The following SPAG16 variants were observed in gnomAD, a reference collection of about 807,000 sequenced individuals.
The protein encoded by SPAG16 is sperm-associated antigen 16 protein.
In SPAG16, 86 loss-of-function variants were observed where a neutral mutation model predicts 80.4. That is an observed-to-expected ratio of 1.07 (90% CI 0.90 to 1.28). The LOEUF is 1.28. SPAG16 is among the 50% of genes most tolerant of loss of function. The pLI, the probability that SPAG16 is intolerant of heterozygous loss-of-function variation, is 0.00. For missense variants in SPAG16, 870 were observed against 765.3 expected (o/e 1.14, Z -1.61); for synonymous variants, 294 against 265.9 (o/e 1.11, Z -1.03).
chr2:214,062,134 C>T (rs16851351), intron 13 of SPAG16, among the ~76,000 whole-genome samples: 65,458 of 151,692 alleles, frequency 0.43, 14,708 homozygotes, highest in African/African-American at 0.48. Flanking sequence ...AAACCAACCT[C>T]CTGGGCCAGG....
chr2:214,144,893 A>G (rs1361547538), intron 14 of SPAG16, among the ~76,000 whole-genome samples: 1 of 152,082 alleles, frequency 6.6e-6, no homozygotes, highest in Non-Finnish European at 1.5e-5. Context: ...CTTCCAAAAT[A>G]GGTTAATATC....
chr2:214,132,294 C>G (rs188277383), intron 14 of SPAG16, among the ~76,000 whole-genome samples: 12 of 152,246 alleles, frequency 7.9e-5, no homozygotes, highest in Admixed American at 7.9e-4. Flanking sequence ...TGATCTGGAA[C>G]AGTACTGTCC....
intron 9 of SPAG16, among the ~76,000 whole-genome samples, chr2:213,441,994 T>C (rs1310154046): frequency 1.3e-5 from 2 of 152,076 alleles, no homozygotes; most frequent in Non-Finnish European, 2.9e-5. Context: ...TAAAAATATT[T>C]TTAAAAAGTT....
At chr2:213,718,035 G>A (rs1459174131) in intron 10 of SPAG16, among the ~76,000 whole-genome samples, 6 of 143,932 alleles carry the variant, frequency 4.2e-5, no homozygotes, top group Admixed American at 1.5e-4. Context: ...CACAGCAAAA[G>A]AAACTATCAC....
At chr2:213,597,636 T>C (rs2060927381) in intron 10 of SPAG16, among the ~76,000 whole-genome samples, 1 of 152,168 alleles carries the variant, frequency 6.6e-6, no homozygotes, top group African/African-American at 2.4e-5. Context: ...GCCAATGAAA[T>C]ATAGTAGCTA....
chr2:214,406,038 C>T (rs982855121), intron 15 of SPAG16, among the ~76,000 whole-genome samples: 1 of 152,160 alleles, frequency 6.6e-6, no homozygotes, highest in African/African-American at 2.4e-5. Context: ...TGTGCTCCTA[C>T]TTGTAACACA....
chr2:214,219,102 A>G (rs2058501152), intron 15 of SPAG16, among the ~76,000 whole-genome samples: 1 of 152,182 alleles, frequency 6.6e-6, no homozygotes, highest in Non-Finnish European at 1.5e-5. Context: ...CAAATATTTA[A>G]ATTTAAACTT....
Position 214,331,211 on chromosome 2 carries a change from G to A in SPAG16, c.1721-78929G>A, listed in dbSNP as rs558415083. On this transcript the variant is annotated intron_variant, in intron 15 of 15. Transcript: ENST00000331683. The stretch of plus-strand genomic sequence containing the variant: ...AAAATTGGGCAGAGGGAGAACCATG[G>A]AATGGCAAAGTGGATCACCTGGGTC... Among the ~76,000 whole-genome samples, 3 of 152,262 alleles carry A rather than the reference G, an allele frequency of 2.0e-5. No individual in the cohort carries two copies. In the East Asian group the frequency reaches 5.8e-4, roughly 29 times the overall value.
chr2:214,144,020 T>G (rs952235331), intron 14 of SPAG16, among the ~76,000 whole-genome samples: 5 of 151,958 alleles, frequency 3.3e-5, no homozygotes, highest in African/African-American at 1.2e-4. Context: ...TAGCTGGGGG[T>G]GTTGACAAAC....
At chr2:214,244,993 T>C (rs1423989845) in intron 15 of SPAG16, among the ~76,000 whole-genome samples, 1 of 152,162 alleles carries the variant, frequency 6.6e-6, no homozygotes, top group African/African-American at 2.4e-5. Flanking sequence ...CCTTTTACTA[T>C]GCCAGGACAT....
chr2:213,399,447 A>G (rs2068207692), intron 9 of SPAG16, among the ~76,000 whole-genome samples: 1 of 152,058 alleles, frequency 6.6e-6, no homozygotes, highest in African/African-American at 2.4e-5. Flanking sequence ...CTCCATTAAT[A>G]TTTTAATGTG....
At position 213,774,840 on chromosome 2, in the gene SPAG16, A is replaced by C. The variant is rs145503293; in HGVS notation, c.1071-87645A>C. Among the ~76,000 whole-genome samples, 1,188 of 152,302 alleles carry C rather than the reference A, an allele frequency of 7.8e-3. 11 individuals carry two copies. The highest frequency in any genetic ancestry group is 0.027 in the Middle Eastern group (8 of 294). ...TTTTGTTGAAGCTTTAGTTAGATTC[A>C]CTTCTCAGGCTTCAAATGGTCTAAA... On this transcript the variant is annotated intron_variant, in intron 10 of 15. Transcript: ENST00000331683.
intron 9 of SPAG16, among the ~76,000 whole-genome samples, chr2:213,470,949 G>A (rs1005556282): frequency 6.6e-6 from 1 of 152,152 alleles, no homozygotes; most frequent in African/African-American, 2.4e-5. Context: ...TGATCATCAA[G>A]CCAAACCATT....
chr2:213,415,496 A>C (rs957212127), intron 9 of SPAG16, among the ~76,000 whole-genome samples: 2 of 152,220 alleles, frequency 1.3e-5, no homozygotes, highest in Admixed American at 6.5e-5. Flanking sequence ...GCAGCAATCT[A>C]TCTGGGTGAG....
At chr2:213,866,921 TC>T (rs1388221769) in intron 11 of SPAG16, among the ~76,000 whole-genome samples, 1 of 152,194 alleles carries the variant, frequency 6.6e-6, no homozygotes, top group Non-Finnish European at 1.5e-5. Flanking sequence ...AATGTGGAAA[TC>T]CTTTAAGTTT....
intron 12 of SPAG16, among the ~76,000 whole-genome samples, chr2:213,969,425 C>A (rs1291880999): frequency 2.0e-5 from 3 of 152,060 alleles, no homozygotes; most frequent in Admixed American, 6.6e-5. Flanking sequence ...AAACGTAGTC[C>A]CAAATATCAA....
At chr2:214,086,953 C>T (rs1460040611) in intron 13 of SPAG16, among the ~76,000 whole-genome samples, 1 of 152,182 alleles carries the variant, frequency 6.6e-6, no homozygotes, top group African/African-American at 2.4e-5. Context: ...TACTGCTCAA[C>T]TCATTGATGT....
At position 213,375,131 on chromosome 2, in the gene SPAG16, G is replaced by C. The variant is rs1265097242; in HGVS notation, c.942+12G>C. 18 of 1,559,468 alleles carry C rather than the reference G, an allele frequency of 1.2e-5. No homozygotes were observed. Among genetic ancestry groups the C allele is most frequent in the Non-Finnish European group, 1.6e-5 (18 of 1,144,788 alleles). The stretch of plus-strand genomic sequence containing the variant: ...AAGGCAATACAAAGGTATGATATTT[G>C]TTTTTGTTTGCATTAAGTCATACTT... On this transcript the variant is annotated intron_variant, in intron 9 of 15. Transcript: ENST00000331683.
intron 15 of SPAG16, among the ~76,000 whole-genome samples, chr2:214,391,885 T>C (rs1272262262): frequency 6.6e-6 from 1 of 152,148 alleles, no homozygotes; most frequent in Admixed American, 6.5e-5. Context: ...ACCACAATTA[T>C]CAAGAGAAAG....
Sources: allele counts gnomAD v4.1 joint callset (sites outside exome capture counted in the v4.1 genomes callset), GRCh38; gene constraint gnomAD v4.1.1; transcripts MANE v1.5; gene names NCBI Gene and HGNC (gene_info 2026-07-23, HGNC 2026-07-21).